NLGN1: variants seen among roughly 807,000 people sequenced by gnomAD.
NLGN1 encodes the protein neuroligin-1.
Under a neutral mutation model 65.5 loss-of-function variants are expected in NLGN1, and 12 were observed. The observed-to-expected ratio is 0.18, with a 90% confidence interval of 0.12 to 0.30. The LOEUF (loss-of-function observed/expected upper bound fraction) is 0.30, where lower values mean the gene tolerates loss of function less well. NLGN1 is among the 10% of genes least tolerant of loss of function. NLGN1 has a pLI of 1.00. For missense variants in NLGN1, 750 were observed against 1,007.1 expected, an observed-to-expected ratio of 0.74 and a Z score of 3.46; for synonymous variants, 350 against 359.5, an observed-to-expected ratio of 0.97 and a Z score of 0.30.
intron 4 of NLGN1, among the ~76,000 whole-genome samples, chr3:173,826,363 A>T (rs1721335690): frequency 6.6e-6 from 1 of 152,014 alleles, no homozygotes; most frequent in African/African-American, 2.4e-5. Context: ...TCATTGCCTC[A>T]ACCCAAAGGA....
At chr3:173,560,242 C>A (rs1348963725) in intron 2 of NLGN1, among the ~76,000 whole-genome samples, 1 of 151,904 alleles carries the variant, frequency 6.6e-6, no homozygotes, top group Non-Finnish European at 1.5e-5. Flanking sequence ...CCTAGATACA[C>A]TTTTTAATAA....
rs148866120 is a variant in NLGN1, at chr3:173,844,806, G to A, written c.646+36974G>A. 3.3e-3 allele frequency among the ~76,000 whole-genome samples: 509 copies of A among 152,260 alleles called. 3 individuals are homozygous for A. The highest frequency in any genetic ancestry group is 0.012 in the African/African-American group (483 of 41,550). The stretch of plus-strand genomic sequence containing the variant: ...TCATTCATTTGACAAATTTTATTGA[G>A]CCTGTAGTGTGAGTTACACAGTGTA... On this transcript the variant is annotated intron_variant, in intron 4 of 6. Coordinates refer to ENST00000457714, the Ensembl canonical transcript of NLGN1.
intron 4 of NLGN1, among the ~76,000 whole-genome samples, chr3:174,266,694 T>C (rs1387071981): frequency 6.6e-6 from 1 of 152,214 alleles, no homozygotes; most frequent in Non-Finnish European, 1.5e-5. Context: ...GCATTCCTTG[T>C]GATTCACAAC....
At chr3:173,737,259 T>G (rs1333346507) in intron 3 of NLGN1, among the ~76,000 whole-genome samples, 1 of 151,970 alleles carries the variant, frequency 6.6e-6, no homozygotes, top group African/African-American at 2.4e-5. Context: ...TTTATTGAGA[T>G]TTAATTTGCT....
chr3:173,726,581 G>T (rs947247331), intron 3 of NLGN1, among the ~76,000 whole-genome samples: 2 of 152,092 alleles, frequency 1.3e-5, no homozygotes, highest in Admixed American at 6.6e-5. Context: ...GAAGGACAAA[G>T]CAATGTTATA....
At chr3:174,262,602 G>T (rs1268155627) in intron 4 of NLGN1, among the ~76,000 whole-genome samples, 1 of 151,302 alleles carries the variant, frequency 6.6e-6, no homozygotes, top group African/African-American at 2.4e-5. Context: ...CTTGCTAGCG[G>T]TCTATCAATT....
intron 3 of NLGN1, among the ~76,000 whole-genome samples, chr3:173,706,397 A>G (rs1396194268): frequency 2.6e-5 from 4 of 152,224 alleles, no homozygotes; most frequent in African/African-American, 7.2e-5. Context: ...ACACTATCAT[A>G]ACAAATATTC....
intron 4 of NLGN1, among the ~76,000 whole-genome samples, chr3:173,861,515 C>CATGTGTGT (rs886333674): frequency 3.4e-4 from 48 of 141,422 alleles, no homozygotes; most frequent in African/African-American, 1.2e-3. Flanking sequence ...GTAGCTGGCA[C>CATGTGTGT]GTGTGTGTGT....
chr3:173,699,789 G>C (rs907949352), intron 3 of NLGN1, among the ~76,000 whole-genome samples: 1 of 152,128 alleles, frequency 6.6e-6, no homozygotes, highest in Non-Finnish European at 1.5e-5. Context: ...TTTGAGGACT[G>C]GTGAATAGAC....
intron 4 of NLGN1, among the ~76,000 whole-genome samples, chr3:173,894,025 A>G (rs985479711): frequency 2.6e-5 from 4 of 152,040 alleles, no homozygotes; most frequent in Non-Finnish European, 4.4e-5. Context: ...CTTACTCACT[A>G]TTTCAAATCC....
At chr3:173,860,755 T>C (rs1336071841) in intron 4 of NLGN1, among the ~76,000 whole-genome samples, 1 of 152,194 alleles carries the variant, frequency 6.6e-6, no homozygotes, top group Non-Finnish European at 1.5e-5. Context: ...ATAATGTTAA[T>C]TCATCATAAC....
chr3:173,495,743 G>C (rs1023312295), intron 2 of NLGN1, among the ~76,000 whole-genome samples: 4 of 145,606 alleles, frequency 2.7e-5, no homozygotes, highest in South Asian at 2.2e-4. Flanking sequence ...ACCATCTTAA[G>C]TGTATTATCA....
chr3:173,401,036 G>A (rs558502349), intron 1 of NLGN1, among the ~76,000 whole-genome samples: 1 of 152,238 alleles, frequency 6.6e-6, no homozygotes, highest in East Asian at 1.9e-4. Flanking sequence ...CCAAACTCGT[G>A]TCTGTCTTTG....
At chr3:173,633,349 C>G (rs775015664) in intron 3 of NLGN1, among the ~76,000 whole-genome samples, 5 of 152,114 alleles carry the variant, frequency 3.3e-5, no homozygotes, top group Non-Finnish European at 5.9e-5. Flanking sequence ...GCCTTGATGC[C>G]TGGTCTGCAG....
intron 4 of NLGN1, among the ~76,000 whole-genome samples, chr3:174,248,454 AG>A (rs751149164): frequency 2.6e-4 from 40 of 152,218 alleles, no homozygotes; most frequent in Non-Finnish European, 4.4e-4. Flanking sequence ...TGCATAATAA[AG>A]AGCACTAAAT....
At chr3:173,932,508 A>T (rs1331670327) in intron 4 of NLGN1, among the ~76,000 whole-genome samples, 6 of 74,428 alleles carry the variant, frequency 8.1e-5, no homozygotes, top group Non-Finnish European at 1.3e-4. Context: ...ACATTATTTA[A>T]AAAAAAAAAA....
intron 4 of NLGN1, among the ~76,000 whole-genome samples, chr3:173,965,481 CTT>C (rs1298101645): frequency 1.1e-4 from 15 of 134,270 alleles, no homozygotes; most frequent in Admixed American, 1.5e-4. Flanking sequence ...CCAGGCCCGG[CTT>C]TTTTTTTTTT....
chr3:174,166,122 A>G (rs1430482167), intron 4 of NLGN1, among the ~76,000 whole-genome samples: 1 of 151,774 alleles, frequency 6.6e-6, no homozygotes, highest in Non-Finnish European at 1.5e-5. Context: ...TAATCTATCA[A>G]TCTTATTTAT....
chr3:173,845,924 G>A (rs903932488), intron 4 of NLGN1, among the ~76,000 whole-genome samples: 1 of 151,860 alleles, frequency 6.6e-6, no homozygotes, highest in African/African-American at 2.4e-5. Flanking sequence ...TTATTTATGT[G>A]TTACTCATCT....
Sources: gnomAD v4.1 joint callset for allele counts (sites outside exome capture counted in the v4.1 genomes callset) on GRCh38, gnomAD v4.1.1 for gene constraint, MANE v1.5 for transcripts, NCBI Gene and HGNC (gene_info 2026-07-23, HGNC 2026-07-21) for gene names.